IL1RL2: variants seen among roughly 807,000 people sequenced by gnomAD.
The protein encoded by IL1RL2 is interleukin 1 receptor like 2, also known as interleukin-1 receptor-like 2.
IL1RL2 carries 68 observed loss-of-function variants against 66.8 expected under a neutral mutation model. The ratio of observed to expected loss-of-function variants is 1.02; its 90% CI spans 0.84 to 1.25. The LOEUF (loss-of-function observed/expected upper bound fraction) is 1.25. IL1RL2 is among the 50% of genes most tolerant of loss of function. The pLI is 0.00. For missense variants in IL1RL2, 729 were observed against 709.3 expected, an observed-to-expected ratio of 1.03 and a Z score of -0.32; for synonymous variants, 305 against 264.6, an observed-to-expected ratio of 1.15 and a Z score of -1.48.
At chr2:102,217,906 A>G (rs1281059467) in intron 6 of IL1RL2, among the ~76,000 whole-genome samples, 4 of 152,190 alleles carry the variant, frequency 2.6e-5, no homozygotes, top group Admixed American at 6.5e-5. Context: ...AAGCACAGAC[A>G]ACAAAAGTTA....
At position 102,219,910 on chromosome 2, in the gene IL1RL2, T is replaced by G. The variant is rs765184834; in HGVS notation, c.884T>G (p.Leu295Trp). 1 of 1,613,454 alleles carries G rather than the reference T, an allele frequency of 6.2e-7. No homozygotes were observed. Among genetic ancestry groups the G allele is most frequent in the Admixed American group, 1.7e-5 (1 of 60,002 alleles). Residue 295 changes from leucine (L) to tryptophan (W), a missense_variant, in exon 8 of 12, where the codon TTG becomes TGG. By Grantham distance (61) the Leu-to-Trp change is moderately conservative. Transcript: ENST00000264257. ...CATGTCTCTTTTCGGGAACATAATT[T>G]GTACACAGTAAACATCACCTTCTTG... is the stretch of plus-strand genomic sequence containing the variant. ...ETHVSFREHN[L>W]YTVNITFLEV...
At chr2:102,201,313 A>G (rs1456741771) in intron 4 of IL1RL2, among the ~76,000 whole-genome samples, 1 of 152,144 alleles carries the variant, frequency 6.6e-6, no homozygotes, top group East Asian at 1.9e-4. Flanking sequence ...ATATCTATAT[A>G]CACACACATG....
chr2:102,233,698 G>T (rs1674556521), intron 10 of IL1RL2, among the ~76,000 whole-genome samples: 2 of 152,070 alleles, frequency 1.3e-5, no homozygotes, highest in Non-Finnish European at 2.9e-5. Context: ...TGGGGATGGG[G>T]TGCTTCCCTG....
Position 102,212,179 on chromosome 2 carries a change from G to C in IL1RL2, c.724+5G>C, listed in dbSNP as rs764436101. The stretch of plus-strand genomic sequence containing the variant: ...ATTCAATTGAAGTACAGCTTGGTGA[G>C]TAAAATTATTGAAGCCATTGAAATC... On this transcript the variant is annotated splice_donor_5th_base_variant and intron_variant, in intron 6 of 11. Transcript: ENST00000264257. The C allele has an allele frequency of 1.4e-5, 23 of 1,597,720 alleles. No homozygotes were observed. Among genetic ancestry groups the C allele is most frequent in the Non-Finnish European group, 1.8e-5 (21 of 1,165,324 alleles).
chr2:102,231,928 C>T (rs929778279), intron 9 of IL1RL2, among the ~76,000 whole-genome samples: 8 of 152,098 alleles, frequency 5.3e-5, no homozygotes, highest in South Asian at 4.1e-4. Context: ...TTGCCTGGTG[C>T]AGTTAGGACA....
At chr2:102,217,270 A>C (rs1453839579) in intron 6 of IL1RL2, among the ~76,000 whole-genome samples, 1 of 152,166 alleles carries the variant, frequency 6.6e-6, no homozygotes, top group South Asian at 2.1e-4. Flanking sequence ...TTTGTTCAGC[A>C]CTGAATATAA....
At chr2:102,226,674 G>A (rs536840393) in intron 9 of IL1RL2, among the ~76,000 whole-genome samples, 1 of 152,086 alleles carries the variant, frequency 6.6e-6, no homozygotes. Flanking sequence ...GAGAGAGAGG[G>A]AGGAAGGAAA....
At chr2:102,242,175 A>G (rs1426174329), downstream of IL1RL2, among the ~76,000 whole-genome samples, 1 of 152,212 alleles carries the variant, frequency 6.6e-6, no homozygotes, top group Non-Finnish European at 1.5e-5. Context: ...TTTTGCTTTC[A>G]AAATATAAAC....
chr2:102,187,441 A>T, intron 1 of IL1RL2: 1 of 1,032,316 alleles, frequency 9.7e-7, no homozygotes, highest in Middle Eastern at 4.5e-4. Flanking sequence ...CGCGCAGGGG[A>T]GGCTCCGTGC....
chr2:102,206,550 C>T (rs1427410467), intron 5 of IL1RL2, among the ~76,000 whole-genome samples: 5 of 152,230 alleles, frequency 3.3e-5, no homozygotes, highest in Non-Finnish European at 5.9e-5. Flanking sequence ...CAGGCAGAGA[C>T]TTGTTCTCTT....
intron 4 of IL1RL2, among the ~76,000 whole-genome samples, chr2:102,196,302 T>G (rs535130055): frequency 7.2e-5 from 11 of 152,264 alleles, no homozygotes; most frequent in Admixed American, 7.2e-4. Context: ...CTTGCAAATG[T>G]AGGCAAAAGC....
chr2:102,211,737 C>T (rs1689189365), intron 5 of IL1RL2, among the ~76,000 whole-genome samples: 1 of 152,302 alleles, frequency 6.6e-6, no homozygotes, highest in Admixed American at 6.5e-5. Context: ...TACTATTTCT[C>T]TCAAGCTAGC....
chr2:102,218,750 T>C (rs192535021), intron 6 of IL1RL2, among the ~76,000 whole-genome samples: 12 of 152,330 alleles, frequency 7.9e-5, no homozygotes, highest in African/African-American at 2.9e-4. Flanking sequence ...CCCTTTACAA[T>C]GGTTGTCCTG....
intron 4 of IL1RL2, among the ~76,000 whole-genome samples, chr2:102,198,575 A>G (rs542844406): frequency 6.6e-6 from 1 of 152,174 alleles, no homozygotes; most frequent in South Asian, 2.1e-4. Flanking sequence ...GGCATTCAAC[A>G]TTGCTGGGCA....
chr2:102,197,725 G>A (rs964225286), intron 4 of IL1RL2, among the ~76,000 whole-genome samples: 1 of 152,218 alleles, frequency 6.6e-6, no homozygotes, highest in African/African-American at 2.4e-5. Context: ...AATTTCTCCA[G>A]CAGCATTGAA....
Position 102,218,946 on chromosome 2 carries a change from T to G in IL1RL2, c.725-7T>G. On this transcript the variant is annotated splice_polypyrimidine_tract_variant and splice_region_variant and intron_variant, in intron 6 of 11. Coordinates refer to ENST00000264257, the MANE Select transcript of IL1RL2 (RefSeq NM_003854.4). ...CATTGAATATTGATGATATTGGTTT[T>G]TTTTAGGTACCACTCTGATTGTGGA... is the stretch of plus-strand genomic sequence containing the variant. 1 of 1,606,494 alleles carries G rather than the reference T, an allele frequency of 6.2e-7. No homozygotes were observed.
intron 6 of IL1RL2, among the ~76,000 whole-genome samples, chr2:102,214,163 C>T (rs1179660459): frequency 6.6e-6 from 1 of 152,084 alleles, no homozygotes; most frequent in Non-Finnish European, 1.5e-5. Context: ...TTTCTCTACT[C>T]CTGTCTTTGG....
intron 8 of IL1RL2, among the ~76,000 whole-genome samples, chr2:102,221,087 A>T (rs1301324411): frequency 6.6e-6 from 1 of 152,126 alleles, no homozygotes; most frequent in Non-Finnish European, 1.5e-5. Flanking sequence ...GCACATGGGG[A>T]ATCCTTCTTG....
chr2:102,187,178 G>A, intron 1 of IL1RL2, 92 bp downstream of exon 1: 1 of 1,242,342 alleles, frequency 8.0e-7, no homozygotes, highest in Admixed American at 2.4e-5. Flanking sequence ...GCAACAATGT[G>A]TGCCACCGCA....
Sources: allele counts gnomAD v4.1 joint callset (sites outside exome capture counted in the v4.1 genomes callset), GRCh38; gene constraint gnomAD v4.1.1; transcripts MANE v1.5; gene names NCBI Gene and HGNC (gene_info 2026-07-23, HGNC 2026-07-21).